Variants in SPTLC2 observed in about 807,000 individuals in gnomAD.
The protein encoded by SPTLC2 is serine palmitoyltransferase long chain base subunit 2, also known as serine palmitoyltransferase 2.
Under a neutral mutation model 62.0 loss-of-function variants are expected in SPTLC2, and 21 were observed. The ratio of observed to expected loss-of-function variants is 0.34; its 90% CI spans 0.24 to 0.49. The LOEUF is 0.49. Among genes scored for constraint, SPTLC2 ranks in the 20% least tolerant of loss-of-function variants. The pLI is 0.99. For synonymous variants in SPTLC2, 261 were observed against 261.8 expected (o/e 1.00, Z 0.03); for missense variants, 511 against 713.0 (o/e 0.72, Z 3.23).
intron 9 of SPTLC2, among the ~76,000 whole-genome samples, chr14:77,542,825 C>T (rs974751980): frequency 8.5e-5 from 13 of 152,134 alleles, no homozygotes; most frequent in Admixed American, 2.0e-4. Flanking sequence ...CATTTCAATG[C>T]CAAAAACTAG....
At chr14:77,560,453 A>G (rs1045731428) in intron 6 of SPTLC2, among the ~76,000 whole-genome samples, 3 of 151,728 alleles carry the variant, frequency 2.0e-5, no homozygotes, top group African/African-American at 7.3e-5. Context: ...ACAAAAAACA[A>G]AAAACAAAAA....
chr14:77,548,804 G>T (rs1411418636), intron 9 of SPTLC2, among the ~76,000 whole-genome samples: 2 of 152,164 alleles, frequency 1.3e-5, no homozygotes, highest in Non-Finnish European at 2.9e-5. Flanking sequence ...ACAAAGTCGT[G>T]TGGAAACTGG....
chr14:77,564,415 A>G (rs1220331949), intron 5 of SPTLC2, among the ~76,000 whole-genome samples: 6 of 32,898 alleles, frequency 1.8e-4, no homozygotes, highest in Middle Eastern at 0.017. Context: ...ACACACACAC[A>G]CACACACACA....
At chr14:77,610,708 T>C (rs2079930686) in intron 1 of SPTLC2, among the ~76,000 whole-genome samples, 1 of 151,828 alleles carries the variant, frequency 6.6e-6, no homozygotes, top group Non-Finnish European at 1.5e-5. Flanking sequence ...TCCCAGCACT[T>C]TGGTAGGCTG....
chr14:77,585,895 T>C lies in SPTLC2; in HGVS notation c.328-6786A>G, dbSNP rs1021604822. ...GACCCGACCTAAACCTCATACCTTA[T>C]ACAATTAACTCAAAAGGAGCATAGC... On this transcript the variant is annotated intron_variant, in intron 2 of 11. Transcript: ENST00000216484. Among the ~76,000 whole-genome samples the C allele has an allele frequency of 3.9e-5, 6 of 152,148 alleles. No homozygotes were observed. In the East Asian group the frequency reaches 7.7e-4, roughly 20 times the overall value.
At chr14:77,598,636 A>G (rs2299921) in intron 1 of SPTLC2, among the ~76,000 whole-genome samples, 65,977 of 152,098 alleles carry the variant, frequency 0.43, 14,688 homozygotes, top group East Asian at 0.64. Context: ...AGATGTTTAT[A>G]TAAGTGTGGT....
At chr14:77,602,844 G>A (rs1399094678) in intron 1 of SPTLC2, among the ~76,000 whole-genome samples, 1 of 152,142 alleles carries the variant, frequency 6.6e-6, no homozygotes, top group Non-Finnish European at 1.5e-5. Flanking sequence ...AAACTGCTGG[G>A]ATTACAGGCA....
At chr14:77,535,835 A>G (rs2079466717) in intron 9 of SPTLC2, 1 of 371,564 alleles carries the variant, frequency 2.7e-6, no homozygotes, top group Non-Finnish European at 5.3e-6. Flanking sequence ...GTGAAAGTGG[A>G]CAGAAATCTA....
Position 77,578,846 on chromosome 14 carries a change from C to T in SPTLC2, c.482+109G>A, listed in dbSNP as rs2079731968. The T allele has an allele frequency of 6.8e-6, 8 of 1,182,352 alleles. No individual in the cohort carries two copies. In the East Asian group the frequency reaches 1.9e-4, roughly 28 times the overall value. 73.2% of individuals were successfully genotyped at this position (1,182,352 alleles called of 1,614,324 possible). Reference sequence around the variant, plus strand: ...AAGGAAACCAATCATATTGTATCCTCAGCTGCTACTCCTATTTTGAGAGAA... The same window carrying T: ...AAGGAAACCAATCATATTGTATCCTTAGCTGCTACTCCTATTTTGAGAGAA... On this transcript the variant is annotated intron_variant, in intron 3 of 11. Transcript: ENST00000216484.
intron 5 of SPTLC2, 53 bp from the exon 6 acceptor site, chr14:77,562,542 TA>T (rs1297724415): frequency 1.4e-6 from 2 of 1,457,210 alleles, no homozygotes; most frequent in African/African-American, 2.8e-5. Flanking sequence ...AAGGGTTAGT[TA>T]CACAAATCAC....
chr14:77,551,132 G>T (rs2079553372), intron 9 of SPTLC2, among the ~76,000 whole-genome samples: 1 of 152,066 alleles, frequency 6.6e-6, no homozygotes, highest in Non-Finnish European at 1.5e-5. Flanking sequence ...GGTGGCTCAC[G>T]CCTGTAATCC....
At chr14:77,562,262 G>A (rs113281087) in intron 6 of SPTLC2, 134 bp downstream of exon 6, 95 of 777,510 alleles carry the variant, frequency 1.2e-4, no homozygotes, top group Middle Eastern at 3.5e-4. Context: ...AGACTGGACC[G>A]GAAGAACATT....
chr14:77,589,537 C>T (rs2079803443), intron 2 of SPTLC2, among the ~76,000 whole-genome samples: 1 of 151,072 alleles, frequency 6.6e-6, no homozygotes, highest in African/African-American at 2.4e-5. Context: ...TGCCTGTAAT[C>T]CCAGTACTTT....
intron 6 of SPTLC2, among the ~76,000 whole-genome samples, chr14:77,560,729 G>A (rs1038876503): frequency 2.6e-5 from 4 of 151,870 alleles, no homozygotes; most frequent in East Asian, 1.9e-4. Flanking sequence ...GCAGCTAGAA[G>A]CCATTACCCT....
rs533315816 is a variant in SPTLC2 at position 77,541,013 on chromosome 14, CATTTT to C, written c.1303+11078_1303+11082del. On this transcript the variant is annotated intron_variant, in intron 9 of 11. Coordinates refer to ENST00000216484, the MANE Select transcript of SPTLC2 (RefSeq NM_004863.4). ...GTACTCAGAAGGTATGCTTGCAAAACATTTTATTTATTTATTTATTTATTTATTTA... is the reference window on the plus strand; with the variant it reads ...GTACTCAGAAGGTATGCTTGCAAAACATTTATTTATTTATTTATTTATTTA... Among the ~76,000 whole-genome samples the C allele has an allele frequency of 7.7e-3, 1,100 of 143,310 alleles. 5 individuals are homozygous for C. The highest frequency in any genetic ancestry group is 0.013 in the Non-Finnish European group (835 of 65,616). The allele number at this position is 143,310 out of a possible 152,430, so 94.0% of individuals were successfully genotyped here.
At chr14:77,598,122 C>CAAA (rs11410783) in intron 1 of SPTLC2, among the ~76,000 whole-genome samples, 1 of 116,926 alleles carries the variant, frequency 8.6e-6, no homozygotes. Flanking sequence ...AACCCCATCT[C>CAAA]AAAAAAAAAA....
chr14:77,596,497 C>G (rs2178877), intron 2 of SPTLC2, among the ~76,000 whole-genome samples: 13,536 of 144,584 alleles, frequency 0.094, 809 homozygotes, highest in Admixed American at 0.19. Context: ...AAGCGAGACT[C>G]TGTCTCAAAA....
rs2140071891 is a variant in SPTLC2 at position 77,616,636 on chromosome 14, C to G, written c.-57G>C. The G allele has an allele frequency of 6.6e-7, 1 of 1,505,192 alleles. No individual in the cohort carries two copies. Among genetic ancestry groups the G allele is most frequent in the Non-Finnish European group, 8.9e-7 (1 of 1,122,098 alleles). The allele number at this position is 1,505,192 out of a possible 1,614,324, so 93.2% of individuals were successfully genotyped here. On this transcript the variant is annotated 5_prime_UTR_variant, in exon 1 of 12. Transcript: ENST00000216484. Reference sequence around the variant, plus strand: ...CTGTAGGCGGTGGCAGCGGCGGCGGCTGCTCCAAGTCCCGCTCCGCACCCC... The same window carrying G: ...CTGTAGGCGGTGGCAGCGGCGGCGGGTGCTCCAAGTCCCGCTCCGCACCCC...
intron 9 of SPTLC2, among the ~76,000 whole-genome samples, chr14:77,532,276 C>A (rs142437827): frequency 3.0e-4 from 45 of 152,316 alleles, no homozygotes; most frequent in African/African-American, 1.0e-3. Flanking sequence ...GCCTTCCCTT[C>A]TTTCCCTTTC....
Sources: allele counts gnomAD v4.1 joint callset (sites outside exome capture counted in the v4.1 genomes callset), GRCh38; gene constraint gnomAD v4.1.1; transcripts MANE v1.5; gene names NCBI Gene and HGNC (gene_info 2026-07-23, HGNC 2026-07-21).